The following LNPK variants were observed in gnomAD, a reference collection of about 807,000 sequenced individuals.
LNPK encodes endoplasmic reticulum junction formation protein lunapark.
LNPK carries 29 observed loss-of-function variants against 55.2 expected under a neutral mutation model. The ratio of observed to expected loss-of-function variants is 0.53; its 90% CI spans 0.39 to 0.72. The LOEUF (loss-of-function observed/expected upper bound fraction) is 0.72, where lower values mean the gene tolerates loss of function less well. LNPK is among the 30% of genes least tolerant of loss of function. The probability of loss-of-function intolerance (pLI) is 0.00; values close to 1 mark genes in which losing one functional copy is unlikely to be tolerated. For synonymous variants in LNPK, 162 were observed against 168.2 expected (o/e 0.96, Z 0.29); for missense variants, 467 against 494.8 (o/e 0.94, Z 0.53).
At chr2:175,963,513 C>T (rs1025687044) in intron 8 of LNPK, among the ~76,000 whole-genome samples, 1 of 151,980 alleles carries the variant, frequency 6.6e-6, no homozygotes, top group Non-Finnish European at 1.5e-5. Context: ...AATGAGAACA[C>T]ATGGATACAG....
intron 8 of LNPK, among the ~76,000 whole-genome samples, chr2:175,962,884 A>G (rs1431649569): frequency 6.6e-6 from 1 of 151,254 alleles, no homozygotes; most frequent in Non-Finnish European, 1.5e-5. Flanking sequence ...CCCATCAAAA[A>G]GTGGGCGAAG....
rs534027440 is a variant in LNPK at position 175,957,732 on chromosome 2, G to A, written c.493+6640C>T. 9.2e-5 allele frequency among the ~76,000 whole-genome samples: 14 copies of A among 152,260 alleles called. No individual in the cohort carries two copies. The East Asian group carries it at 1.2e-3, about 13-fold the overall frequency. ...TGGCCAGTGGGTGCAGCCCACAGAC[G>A]ATGAGCTGAAGCAGGGCGGGGCATT... On this transcript the variant is annotated intron_variant, in intron 8 of 12. Coordinates refer to ENST00000272748, the MANE Select transcript of LNPK (RefSeq NM_030650.3).
intron 4 of LNPK, among the ~76,000 whole-genome samples, chr2:175,988,689 A>G (rs1418264651): frequency 6.6e-6 from 1 of 152,172 alleles, no homozygotes; most frequent in Non-Finnish European, 1.5e-5. Flanking sequence ...ATAAGAATCA[A>G]GTATTTCTTG....
intron 4 of LNPK, among the ~76,000 whole-genome samples, chr2:175,987,439 C>T (rs994379463): frequency 1.3e-5 from 2 of 152,060 alleles, no homozygotes; most frequent in Non-Finnish European, 2.9e-5. Context: ...AACCAAACAC[C>T]GCATGTTCTC....
intron 9 of LNPK, among the ~76,000 whole-genome samples, chr2:175,945,469 GC>G (rs1315987910): frequency 7.2e-6 from 1 of 139,686 alleles, no homozygotes; most frequent in Non-Finnish European, 1.5e-5. Context: ...CCATGACACT[GC>G]ACTCCAGCCT....
chr2:175,997,029 AAAT>A (rs1687964189), intron 1 of LNPK, among the ~76,000 whole-genome samples: 1 of 152,206 alleles, frequency 6.6e-6, no homozygotes, highest in African/African-American at 2.4e-5. Flanking sequence ...CGTAAACACA[AAAT>A]AATACCAGTA....
At chr2:175,932,997 A>C (rs1684352274) in intron 12 of LNPK, among the ~76,000 whole-genome samples, 1 of 150,698 alleles carries the variant, frequency 6.6e-6, no homozygotes, top group East Asian at 2.0e-4. Flanking sequence ...AATTACCTGA[A>C]TGACCTAATT....
Position 175,993,168 on chromosome 2 carries a change from G to T in LNPK, c.69+14C>A. ...CTAAAATGAATTAAAATACCTCACA[G>T]CCAAAGAACATACCTTATCTATACT... On this transcript the variant is annotated intron_variant, in intron 3 of 12. Transcript: ENST00000272748. 6.7e-7 allele frequency: 1 copy of T among 1,500,306 alleles called. No individual in the cohort carries two copies. The highest frequency in any genetic ancestry group is 1.2e-5 in the South Asian group (1 of 80,484). 92.9% of individuals were successfully genotyped at this position (1,500,306 alleles called of 1,614,324 possible). A position where few individuals can be genotyped will look rare whatever the true frequency, so the allele number is the denominator to read the frequency against.
At chr2:175,943,789 A>G (rs1056084209) in intron 9 of LNPK, among the ~76,000 whole-genome samples, 8 of 152,102 alleles carry the variant, frequency 5.3e-5, no homozygotes, top group Non-Finnish European at 8.8e-5. Flanking sequence ...GATAAGGAGT[A>G]TTTATTAAAA....
At chr2:175,998,552 A>G (rs1688044629) in intron 1 of LNPK, among the ~76,000 whole-genome samples, 1 of 152,212 alleles carries the variant, frequency 6.6e-6, no homozygotes, top group Admixed American at 6.5e-5. Flanking sequence ...TGAATAACAC[A>G]AAATCAGAAA....
intron 9 of LNPK, among the ~76,000 whole-genome samples, chr2:175,941,373 A>AT (rs1343860175): frequency 6.6e-6 from 1 of 151,748 alleles, no homozygotes; most frequent in African/African-American, 2.4e-5. Context: ...TAAATAATGC[A>AT]TATTTTCCAA....
chr2:175,962,501 A>G (rs1037198674), intron 8 of LNPK, among the ~76,000 whole-genome samples: 6 of 152,242 alleles, frequency 3.9e-5, no homozygotes, highest in Non-Finnish European at 7.3e-5. Context: ...GGCTAGCCAT[A>G]TGCAGAAAGC....
chr2:175,951,042 AAAT>A (rs1685371469), intron 8 of LNPK, among the ~76,000 whole-genome samples: 3 of 152,144 alleles, frequency 2.0e-5, no homozygotes, highest in African/African-American at 7.2e-5. Context: ...GCTTGCCATT[AAAT>A]AATATTGGGA....
At chr2:175,959,685 C>T (rs778148325) in intron 8 of LNPK, among the ~76,000 whole-genome samples, 9 of 152,026 alleles carry the variant, frequency 5.9e-5, no homozygotes, top group East Asian at 3.9e-4. Flanking sequence ...AACATCATAA[C>T]GACAGGATCA....
intron 8 of LNPK, among the ~76,000 whole-genome samples, chr2:175,957,084 G>A (rs1301983748): frequency 1.3e-5 from 2 of 152,030 alleles, no homozygotes; most frequent in Admixed American, 6.6e-5. Flanking sequence ...TTGGCTGGGC[G>A]CAGTAGCTCA....
At chr2:175,965,579 C>G (rs1686284451) in intron 6 of LNPK, among the ~76,000 whole-genome samples, 1 of 152,172 alleles carries the variant, frequency 6.6e-6, no homozygotes, top group African/African-American at 2.4e-5. Flanking sequence ...AGCACATTTA[C>G]TGAGTTAAAA....
At chr2:175,987,675 A>C (rs1215566632) in intron 4 of LNPK, among the ~76,000 whole-genome samples, 1 of 11,422 alleles carries the variant, frequency 8.8e-5, no homozygotes, top group African/African-American at 1.7e-4. Flanking sequence ...AAGTATAATT[A>C]AAAAAAAAAA....
intron 8 of LNPK, among the ~76,000 whole-genome samples, chr2:175,963,564 G>A (rs1233224833): frequency 6.6e-6 from 1 of 152,108 alleles, no homozygotes; most frequent in Non-Finnish European, 1.5e-5. Context: ...GTGGGGTGGT[G>A]GCGGGGGAGG....
At chr2:175,988,905 C>T (rs1237251812) in intron 4 of LNPK, among the ~76,000 whole-genome samples, 1 of 152,106 alleles carries the variant, frequency 6.6e-6, no homozygotes, top group African/African-American at 2.4e-5. Flanking sequence ...TCCCAAGTAG[C>T]TGGGACTACA....
Sources: gnomAD v4.1 joint callset for allele counts (sites outside exome capture counted in the v4.1 genomes callset) on GRCh38, gnomAD v4.1.1 for gene constraint, MANE v1.5 for transcripts, NCBI Gene and HGNC (gene_info 2026-07-23, HGNC 2026-07-21) for gene names.